The following GNG12 variants were observed in gnomAD, a reference collection of about 807,000 sequenced individuals.
GNG12 encodes the protein guanine nucleotide-binding protein G(I)/G(S)/G(O) subunit gamma-12.
For synonymous variants in GNG12, 28 were observed against 29.7 expected (o/e 0.94, Z 0.19); for missense variants, 69 against 83.8 (o/e 0.82, Z 0.69).
intron 1 of GNG12, among the ~76,000 whole-genome samples, chr1:67,805,576 C>T (rs1188522435): frequency 1.3e-5 from 2 of 151,858 alleles, no homozygotes; most frequent in African/African-American, 4.8e-5. Flanking sequence ...AATCTCTAGG[C>T]TTGAAGATAT....
chr1:67,733,775 GA>G (rs1646435065), intron 2 of GNG12, among the ~76,000 whole-genome samples: 1 of 152,178 alleles, frequency 6.6e-6, no homozygotes, highest in Non-Finnish European at 1.5e-5. Context: ...AGGGGAAAGA[GA>G]AAAACCCAAC....
intron 1 of GNG12, among the ~76,000 whole-genome samples, chr1:67,813,051 C>A (rs1337420036): frequency 1.3e-5 from 2 of 152,190 alleles, no homozygotes; most frequent in African/African-American, 4.8e-5. Flanking sequence ...TGGCCCCTTT[C>A]TGTTGTAACA....
intron 2 of GNG12, among the ~76,000 whole-genome samples, chr1:67,735,136 A>G (rs1275782139): frequency 1.3e-5 from 2 of 152,144 alleles, no homozygotes; most frequent in Non-Finnish European, 2.9e-5. Flanking sequence ...GATTACAGGC[A>G]TGAGCCACCG....
chr1:67,743,649 C>T lies in GNG12; in HGVS notation c.-27+33809G>A, dbSNP rs527924285. Among the ~76,000 whole-genome samples the T allele has an allele frequency of 2.0e-5, 3 of 152,304 alleles. No individual in the cohort carries two copies. The South Asian group carries it at 6.2e-4, about 32-fold the overall frequency. On this transcript the variant is annotated intron_variant, in intron 2 of 3. Transcript: ENST00000370982. Reference sequence around the variant, plus strand: ...TTGCTTCCTGACTGCCCCCTACCTCCCCTGAAAAAGCCCTATTTATGGCAT... The same window carrying T: ...TTGCTTCCTGACTGCCCCCTACCTCTCCTGAAAAAGCCCTATTTATGGCAT...
At chr1:67,743,085 CT>C (rs1646491350) in intron 2 of GNG12, among the ~76,000 whole-genome samples, 1 of 152,114 alleles carries the variant, frequency 6.6e-6, no homozygotes, top group African/African-American at 2.4e-5. Flanking sequence ...ATAAAGGTTT[CT>C]TTTTGACTGC....
intron 1 of GNG12, among the ~76,000 whole-genome samples, chr1:67,791,634 C>T (rs1170200698): frequency 3.3e-5 from 5 of 152,148 alleles, no homozygotes; most frequent in African/African-American, 1.2e-4. Flanking sequence ...CAAATCCTGT[C>T]AGCCCTACCT....
chr1:67,785,398 C>G (rs1419165739), intron 1 of GNG12, among the ~76,000 whole-genome samples: 6 of 152,116 alleles, frequency 3.9e-5, no homozygotes, highest in Non-Finnish European at 7.4e-5. Flanking sequence ...CAAGTATTCC[C>G]TTATTCTTTG....
chr1:67,738,157 G>A (rs550421875), intron 2 of GNG12, among the ~76,000 whole-genome samples: 2 of 152,048 alleles, frequency 1.3e-5, no homozygotes, highest in East Asian at 3.9e-4. Flanking sequence ...GGCTGGTCTT[G>A]AACTCCTGGG....
chr1:67,707,420 GC>G (rs1223227310), intron 3 of GNG12, among the ~76,000 whole-genome samples, 173 bp downstream of exon 3: 1 of 152,194 alleles, frequency 6.6e-6, no homozygotes, highest in Non-Finnish European at 1.5e-5. Context: ...TTGAAGTGAG[GC>G]CCATGCTATA....
intron 2 of GNG12, among the ~76,000 whole-genome samples, chr1:67,730,547 T>C (rs1646413206): frequency 6.8e-6 from 1 of 147,310 alleles, no homozygotes; most frequent in Admixed American, 6.7e-5. Flanking sequence ...AAGGAGTACA[T>C]ACCATATAAG....
intron 2 of GNG12, among the ~76,000 whole-genome samples, chr1:67,753,458 C>A (rs921757282): frequency 6.6e-6 from 1 of 152,080 alleles, no homozygotes; most frequent in South Asian, 2.1e-4. Context: ...CTACAGTGAA[C>A]ATCACCCATG....
intron 1 of GNG12, among the ~76,000 whole-genome samples, chr1:67,822,733 C>CT (rs113078404): frequency 0.28 from 42,533 of 150,220 alleles, 6,127 homozygotes; most frequent in Admixed American, 0.35. Context: ...TGTTTTTTTG[C>CT]TTTTTTTTTG....
intron 2 of GNG12, among the ~76,000 whole-genome samples, chr1:67,734,296 T>G (rs116668809): frequency 0.021 from 3,213 of 152,058 alleles, 130 homozygotes; most frequent in African/African-American, 0.074. Context: ...GGTGAGGGCA[T>G]GCTTCTTCTT....
In GNG12 at chr1:67,705,172, T is replaced by A. The variant is rs1646239420; in HGVS notation, c.*279A>T. On this transcript the variant is annotated 3_prime_UTR_variant, in exon 4 of 4. Transcript: ENST00000370982. ...GTATTTCTAAAGTATATAATTATGT[T>A]TTTAAAAAGGCCCAGATCAACTTTC... is the stretch of plus-strand genomic sequence containing the variant. The A allele has an allele frequency of 4.2e-6, 1 of 239,568 alleles. No homozygotes were observed. Among genetic ancestry groups the A allele is most frequent in the African/African-American group, 2.3e-5 (1 of 43,938 alleles). The allele number at this position is 239,568 out of a possible 1,614,324, so 14.8% of individuals were successfully genotyped here. A position where few individuals can be genotyped will look rare whatever the true frequency, so the allele number is the denominator to read the frequency against.
chr1:67,714,889 T>C (rs143712419), intron 2 of GNG12, among the ~76,000 whole-genome samples: 5 of 152,128 alleles, frequency 3.3e-5, no homozygotes, highest in African/African-American at 1.2e-4. Context: ...GAGAAGACCA[T>C]GTGAACGCAG....
intron 2 of GNG12, among the ~76,000 whole-genome samples, chr1:67,769,842 ACTCT>A (rs199699703): frequency 6.1e-5 from 9 of 146,986 alleles, no homozygotes; most frequent in South Asian, 2.2e-4. Context: ...ACTCACTCTC[ACTCT>A]CTCTCTCTCC....
At chr1:67,718,767 G>T (rs982636843) in intron 2 of GNG12, among the ~76,000 whole-genome samples, 1 of 152,074 alleles carries the variant, frequency 6.6e-6, no homozygotes, top group South Asian at 2.1e-4. Flanking sequence ...ACCCCTTTCA[G>T]TTTGGTCCTC....
chr1:67,830,257 G>A (rs1018361815), intron 1 of GNG12, among the ~76,000 whole-genome samples: 1 of 152,252 alleles, frequency 6.6e-6, no homozygotes, highest in South Asian at 2.1e-4. Context: ...CGCCCACCTT[G>A]GCCTCCCAAA....
intron 1 of GNG12, among the ~76,000 whole-genome samples, chr1:67,814,185 CA>C (rs540607339): frequency 2.6e-5 from 4 of 151,114 alleles, no homozygotes; most frequent in African/African-American, 4.8e-5. Context: ...ATAAAGTAAA[CA>C]AAAAAAAATT....
Sources: gnomAD v4.1 joint callset for allele counts (sites outside exome capture counted in the v4.1 genomes callset) on GRCh38, gnomAD v4.1.1 for gene constraint, MANE v1.5 for transcripts, NCBI Gene and HGNC (gene_info 2026-07-23, HGNC 2026-07-21) for gene names.